REEP3: variants seen among roughly 807,000 people sequenced by gnomAD.
The protein encoded by REEP3 is receptor accessory protein 3, also known as receptor expression-enhancing protein 3.
A neutral mutation model predicts 41.3 loss-of-function variants in REEP3; 20 were observed. That is an observed-to-expected ratio of 0.48 (90% CI 0.34 to 0.70). The LOEUF (loss-of-function observed/expected upper bound fraction) is 0.70, where lower values mean the gene tolerates loss of function less well. Ranked by LOEUF, REEP3 falls within the 30% of genes least tolerant of loss-of-function variation. REEP3 has a pLI of 0.01. For missense variants in REEP3, 271 were observed against 308.8 expected (o/e 0.88, Z 0.92); for synonymous variants, 104 against 101.8 (o/e 1.02, Z -0.13).
At chr10:63,538,562 T>A (rs533757864) in intron 1 of REEP3, among the ~76,000 whole-genome samples, 1 of 152,118 alleles carries the variant, frequency 6.6e-6, no homozygotes. Context: ...GGCAAAACCC[T>A]GTCTCTACTA....
At chr10:63,556,633 T>G (rs1564477649) in intron 1 of REEP3, among the ~76,000 whole-genome samples, 3 of 39,682 alleles carry the variant, frequency 7.6e-5, no homozygotes, top group South Asian at 1.0e-3. Context: ...TTTGTTGTTT[T>G]GTTTTTTTTT....
intron 2 of REEP3, among the ~76,000 whole-genome samples, chr10:63,579,039 T>TC (rs1955924160): frequency 8.7e-6 from 1 of 114,404 alleles, no homozygotes; most frequent in African/African-American, 2.8e-5. Flanking sequence ...TGTGTTTTTT[T>TC]TTGGGGGGGG....
chr10:63,594,703 A>G (rs1046763923), intron 2 of REEP3, 75 bp from the exon 3 acceptor site: 1 of 882,936 alleles, frequency 1.1e-6, no homozygotes, highest in Admixed American at 1.8e-5. Flanking sequence ...CCAGAAATAC[A>G]TACATACATA....
chr10:63,603,448 C>T (rs1016810376), intron 5 of REEP3, among the ~76,000 whole-genome samples: 1 of 151,768 alleles, frequency 6.6e-6, no homozygotes, highest in Non-Finnish European at 1.5e-5. Context: ...ATTTTTCTGG[C>T]TCTCTTGTGA....
chr10:63,560,490 C>G (rs1031375151), intron 1 of REEP3, among the ~76,000 whole-genome samples: 19 of 152,188 alleles, frequency 1.2e-4, no homozygotes, highest in African/African-American at 4.6e-4. Context: ...CCCACTACTG[C>G]ATTCCCATAA....
rs1157313273 is a variant in REEP3, at chr10:63,623,551, TTGC to T, written c.*2685_*2687del. 2 of 152,434 alleles carry T rather than the reference TTGC, an allele frequency of 1.3e-5. No homozygotes were observed. Among genetic ancestry groups the T allele is most frequent in the Non-Finnish European group, 2.9e-5 (2 of 68,196 alleles). 9.4% of individuals were successfully genotyped at this position (152,434 alleles called of 1,614,324 possible). A position where few individuals can be genotyped will look rare whatever the true frequency, so the allele number is the denominator to read the frequency against. On this transcript the variant is annotated 3_prime_UTR_variant, in exon 8 of 8. Coordinates refer to ENST00000373758, the MANE Select transcript of REEP3 (RefSeq NM_001001330.3). ...CAGAAATTGCAGCTGGTATTTTATT[TTGC>T]TGTACATTTACTCAACTTGTCCATT...
intron 2 of REEP3, among the ~76,000 whole-genome samples, chr10:63,580,167 T>C (rs1955938662): frequency 6.6e-6 from 1 of 152,128 alleles, no homozygotes; most frequent in Non-Finnish European, 1.5e-5. Flanking sequence ...GGGGTGGTAT[T>C]GCTCTGTCGC....
chr10:63,620,955 T>A lies in REEP3; in HGVS notation c.*86T>A. On this transcript the variant is annotated 3_prime_UTR_variant, in exon 8 of 8. Transcript: ENST00000373758. ...ACATGATATATTCAGGATTTACACA[T>A]TAAAATGATTATTTAAATTGTGGCA... The A allele has an allele frequency of 1.3e-6, 1 of 774,066 alleles. No homozygotes were observed. The allele number at this position is 774,066 out of a possible 1,614,324, so 47.9% of individuals were successfully genotyped here.
intron 2 of REEP3, among the ~76,000 whole-genome samples, chr10:63,581,882 A>G (rs907872201): frequency 8.6e-6 from 1 of 116,698 alleles, no homozygotes; most frequent in Admixed American, 8.6e-5. Flanking sequence ...TTTTTTTTTT[A>G]GCTTTTTGGT....
At chr10:63,605,096 A>T (rs1255446873) in intron 5 of REEP3, among the ~76,000 whole-genome samples, 3 of 152,236 alleles carry the variant, frequency 2.0e-5, no homozygotes, top group African/African-American at 7.2e-5. Context: ...AACAAAAAAT[A>T]GCAAGAGTGT....
At chr10:63,558,488 T>C (rs2133368393) in intron 1 of REEP3, among the ~76,000 whole-genome samples, 1 of 152,260 alleles carries the variant, frequency 6.6e-6, no homozygotes, top group East Asian at 1.9e-4. Flanking sequence ...GTTTATACTC[T>C]TCGATAAGAG....
chr10:63,521,695 C>G (rs1207730800), intron 1 of REEP3, 118 bp downstream of exon 1: 3 of 647,364 alleles, frequency 4.6e-6, no homozygotes, highest in Admixed American at 4.5e-5. Context: ...GTAGCCCGGC[C>G]TCGGGCCTGC....
At chr10:63,579,622 A>G (rs771673821) in intron 2 of REEP3, among the ~76,000 whole-genome samples, 1 of 152,256 alleles carries the variant, frequency 6.6e-6, no homozygotes, top group Non-Finnish European at 1.5e-5. Context: ...AAACATACAC[A>G]TAGAAAAAGA....
chr10:63,552,229 C>T (rs1037157517), intron 1 of REEP3, among the ~76,000 whole-genome samples: 8 of 149,402 alleles, frequency 5.4e-5, no homozygotes, highest in African/African-American at 2.0e-4. Context: ...ACGGTGAAAC[C>T]CTGTCTTTAC....
chr10:63,551,353 CAT>C (rs1190012279), intron 1 of REEP3, among the ~76,000 whole-genome samples: 1 of 152,090 alleles, frequency 6.6e-6, no homozygotes, highest in African/African-American at 2.4e-5. Flanking sequence ...AGTCCATACT[CAT>C]ATAAATAAAT....
At chr10:63,531,276 T>C (rs1453470301) in intron 1 of REEP3, among the ~76,000 whole-genome samples, 1 of 152,272 alleles carries the variant, frequency 6.6e-6, no homozygotes. Context: ...CATTTGAAGA[T>C]GTTTTAATAT....
intron 1 of REEP3, among the ~76,000 whole-genome samples, chr10:63,564,867 A>G (rs1224713326): frequency 6.6e-6 from 1 of 152,260 alleles, no homozygotes. Flanking sequence ...AGTGTTGTGT[A>G]GAATAGTAAA....
intron 4 of REEP3, 120 bp from the exon 5 acceptor site, chr10:63,599,050 C>T: frequency 1.7e-6 from 1 of 588,550 alleles, no homozygotes. Context: ...GAAAGAAATG[C>T]CTATCAACAC....
At chr10:63,521,599 C>A in intron 1 of REEP3, 22 bp downstream of exon 1, 1 of 1,400,680 alleles carries the variant, frequency 7.1e-7, no homozygotes, top group Middle Eastern at 2.0e-4. Flanking sequence ...TCACTGCGCC[C>A]TGCAGCCGGC....
Sources: gnomAD v4.1 joint callset for allele counts (sites outside exome capture counted in the v4.1 genomes callset) on GRCh38, gnomAD v4.1.1 for gene constraint, MANE v1.5 for transcripts, NCBI Gene and HGNC (gene_info 2026-07-23, HGNC 2026-07-21) for gene names.